Variants in RPRD2 observed in about 807,000 individuals in gnomAD.
The protein encoded by RPRD2 is regulation of nuclear pre-mRNA domain containing 2.
In RPRD2, 12 loss-of-function variants were observed where a neutral mutation model predicts 104.4. The ratio of observed to expected loss-of-function variants is 0.11; its 90% CI spans 0.07 to 0.19. The LOEUF (loss-of-function observed/expected upper bound fraction) is 0.19, where lower values mean the gene tolerates loss of function less well. RPRD2 is among the 10% of genes least tolerant of loss of function. The pLI, the probability that RPRD2 is intolerant of heterozygous loss-of-function variation, is 1.00. For missense variants in RPRD2, 1,543 were observed against 1,790.1 expected, an observed-to-expected ratio of 0.86 and a Z score of 2.49; for synonymous variants, 714 against 684.9, an observed-to-expected ratio of 1.04 and a Z score of -0.66.
Position 150,472,587 on chromosome 1 carries a change from A to T in RPRD2, c.3639A>T (p.Ser1213=). 1 of 1,613,688 alleles carries T rather than the reference A, an allele frequency of 6.2e-7. No individual in the cohort carries two copies. Among genetic ancestry groups the T allele is most frequent in the Non-Finnish European group, 8.5e-7 (1 of 1,179,652 alleles). The change falls in exon 11 of 11, where the codon TCA becomes TCT. Residue 1213 remains serine, a synonymous_variant. Coordinates refer to ENST00000369068, the MANE Select transcript of RPRD2 (RefSeq NM_015203.5). The stretch of plus-strand genomic sequence containing the variant: ...TCCAGAGAGAGCCAGTGGGGCCATC[A>T]TCTGCCCCACCTGTCCCTCCTAAGG... The part of the protein sequence containing the change: ...TPFQREPVGP[S]SAPPVPPKDH...
intron 1 of RPRD2, among the ~76,000 whole-genome samples, chr1:150,393,883 C>T (rs79068717): frequency 1.5e-3 from 230 of 152,004 alleles, no homozygotes; most frequent in South Asian, 5.8e-3. Context: ...GAAAATCAAA[C>T]ATAAGAACTT....
intron 1 of RPRD2, among the ~76,000 whole-genome samples, chr1:150,392,649 C>G (rs782576695): frequency 1.7e-4 from 26 of 152,146 alleles, no homozygotes; most frequent in Non-Finnish European, 2.9e-4. Flanking sequence ...TCAAGACTAG[C>G]CTGGGCAACA....
At chr1:150,446,748 C>CA (rs1197735222) in intron 7 of RPRD2, among the ~76,000 whole-genome samples, 10 of 146,672 alleles carry the variant, frequency 6.8e-5, no homozygotes, top group East Asian at 3.9e-4. Context: ...AGACCCGTCT[C>CA]AAAAAAAATA....
At chr1:150,380,506 C>A (rs1661044064) in intron 1 of RPRD2, among the ~76,000 whole-genome samples, 1 of 151,518 alleles carries the variant, frequency 6.6e-6, no homozygotes, top group Non-Finnish European at 1.5e-5. Flanking sequence ...CACCACCATG[C>A]CCAGCTAATT....
chr1:150,461,852 C>T (rs1489523609), intron 9 of RPRD2, among the ~76,000 whole-genome samples: 2 of 152,070 alleles, frequency 1.3e-5, no homozygotes, highest in Non-Finnish European at 2.9e-5. Context: ...TGGTGGCGGG[C>T]GCCTGTAGTC....
chr1:150,448,108 C>T (rs1439487350), intron 7 of RPRD2, among the ~76,000 whole-genome samples: 14 of 152,168 alleles, frequency 9.2e-5, no homozygotes, highest in Admixed American at 9.2e-4. Flanking sequence ...TATTTGCTCC[C>T]ATTAGTTTTC....
chr1:150,457,284 T>C lies in RPRD2; in HGVS notation c.871-4T>C. The C allele has an allele frequency of 6.2e-7, 1 of 1,610,394 alleles. No individual in the cohort carries two copies. The highest frequency in any genetic ancestry group is 8.5e-7 in the Non-Finnish European group (1 of 1,177,708). On this transcript the variant is annotated splice_region_variant and splice_polypyrimidine_tract_variant and intron_variant, in intron 7 of 10. Coordinates refer to ENST00000369068, the MANE Select transcript of RPRD2 (RefSeq NM_015203.5). The stretch of plus-strand genomic sequence containing the variant: ...AAGGAGTAAACTCCTTTTTTCTCTT[T>C]TAGGCATATAAAACCTTTGCTAACC...
chr1:150,431,085 C>G (rs1553891593), intron 2 of RPRD2, among the ~76,000 whole-genome samples: 1 of 152,074 alleles, frequency 6.6e-6, no homozygotes. Context: ...TTAAAAGCAT[C>G]CAGAGTTTAC....
rs1553895177 is a variant in RPRD2 at position 150,444,371 on chromosome 1, T to C, written c.688T>C (p.Leu230=). 1.2e-6 allele frequency: 2 copies of C among 1,611,900 alleles called. No homozygotes were observed. The highest frequency in any genetic ancestry group is 1.7e-6 in the Non-Finnish European group (2 of 1,179,282). ...DVCSTETLKC[L]KDKTGGKKFS... Reference sequence around the variant, plus strand: ...GTGCAGCACAGAAACTCTCAAATGCTTAAAAGGTAATGCTTACATCCTTTT... The same window carrying C: ...GTGCAGCACAGAAACTCTCAAATGCCTAAAAGGTAATGCTTACATCCTTTT... The change falls in exon 6 of 11, where the codon TTA becomes CTA. Residue 230 remains leucine (L), a synonymous_variant. Transcript: ENST00000369068.
At chr1:150,430,546 G>T (rs2102317681) in intron 2 of RPRD2, among the ~76,000 whole-genome samples, 2 of 152,270 alleles carry the variant, frequency 1.3e-5, no homozygotes, top group South Asian at 4.1e-4. Context: ...TGTACTTACA[G>T]TCCCAGCTAC....
At chr1:150,449,825 G>C (rs1667033474) in intron 7 of RPRD2, among the ~76,000 whole-genome samples, 1 of 152,026 alleles carries the variant, frequency 6.6e-6, no homozygotes, top group Non-Finnish European at 1.5e-5. Context: ...AAAATTCTCA[G>C]CTATTGATCT....
intron 1 of RPRD2, among the ~76,000 whole-genome samples, chr1:150,391,269 A>G (rs1553883080): frequency 1.3e-5 from 2 of 152,128 alleles, no homozygotes; most frequent in South Asian, 4.1e-4. Flanking sequence ...CATAAAGACA[A>G]AAGCTAGAAA....
chr1:150,383,648 C>T (rs587698004), intron 1 of RPRD2, among the ~76,000 whole-genome samples: 1 of 152,184 alleles, frequency 6.6e-6, no homozygotes, highest in African/African-American at 2.4e-5. Flanking sequence ...CATCAGTATT[C>T]TTGGTGTCAC....
chr1:150,394,114 G>A (rs967668293), intron 1 of RPRD2, among the ~76,000 whole-genome samples: 1 of 151,976 alleles, frequency 6.6e-6, no homozygotes, highest in Admixed American at 6.6e-5. Context: ...GCAATGGCGC[G>A]ATCTCGGCTC....
At position 150,472,710 on chromosome 1, in the gene RPRD2, C is replaced by T. The variant is rs750079679; in HGVS notation, c.3762C>T (p.Ala1254=). 1.9e-6 allele frequency: 3 copies of T among 1,613,766 alleles called. No homozygotes were observed. Among genetic ancestry groups the T allele is most frequent in the Non-Finnish European group, 2.5e-6 (3 of 1,179,688 alleles). ...FTKEAALAHA[A]PPPPPGEHSG... is the part of the protein sequence containing the mutation. ...AGGAGGCAGCCCTGGCCCATGCTGC[C>T]CCACCCCCTCCTCCTGGAGAGCACA... The change falls in exon 11 of 11, where the codon GCC becomes GCT. Residue 1254 remains alanine, a synonymous_variant. Transcript: ENST00000369068.
At chr1:150,434,786 C>T (rs974564155) in intron 2 of RPRD2, among the ~76,000 whole-genome samples, 7 of 152,074 alleles carry the variant, frequency 4.6e-5, no homozygotes, top group Non-Finnish European at 2.9e-5. Context: ...CACTGCACTC[C>T]AGTCTGGGTG....
At chr1:150,391,645 C>T (rs966692130) in intron 1 of RPRD2, among the ~76,000 whole-genome samples, 4 of 152,350 alleles carry the variant, frequency 2.6e-5, no homozygotes, top group South Asian at 4.1e-4. Flanking sequence ...CAGTGGCTGA[C>T]GCCTGTAATC....
intron 2 of RPRD2, among the ~76,000 whole-genome samples, chr1:150,439,195 C>T (rs1179274677): frequency 2.6e-5 from 4 of 152,182 alleles, no homozygotes; most frequent in Non-Finnish European, 4.4e-5. Flanking sequence ...CACTCACTTT[C>T]ACCAAATGGA....
At chr1:150,414,664 A>T (rs1156344454) in intron 1 of RPRD2, among the ~76,000 whole-genome samples, 1 of 32,648 alleles carries the variant, frequency 3.1e-5, no homozygotes, top group Admixed American at 2.7e-4. Flanking sequence ...AAATAACATT[A>T]AAAAAAAATC....
Sources: allele counts gnomAD v4.1 joint callset (sites outside exome capture counted in the v4.1 genomes callset), GRCh38; gene constraint gnomAD v4.1.1; transcripts MANE v1.5; gene names NCBI Gene and HGNC (gene_info 2026-07-23, HGNC 2026-07-21).